The following KRT86 variants were observed in gnomAD, a reference collection of about 807,000 sequenced individuals.
KRT86 encodes the protein keratin, type II cuticular Hb6.
A neutral mutation model predicts 41.2 loss-of-function variants in KRT86; 30 were observed. The ratio of observed to expected loss-of-function variants is 0.73; its 90% CI spans 0.54 to 0.99. The LOEUF (loss-of-function observed/expected upper bound fraction) is 0.99. Ranked by LOEUF, KRT86 falls within the 50% of genes least tolerant of loss-of-function variation. The probability of loss-of-function intolerance (pLI) is 0.00; values close to 1 mark genes in which losing one functional copy is unlikely to be tolerated. For missense variants in KRT86, 561 were observed against 571.4 expected, an observed-to-expected ratio of 0.98 and a Z score of 0.19; for synonymous variants, 238 against 238.1, an observed-to-expected ratio of 1.00 and a Z score of 0.00.
Position 52,305,721 on chromosome 12 carries a change from A to G in KRT86, c.959A>G (p.Glu320Gly). 2 of 1,614,070 alleles carry G rather than the reference A, an allele frequency of 1.2e-6. No individual in the cohort carries two copies. The highest frequency in any genetic ancestry group is 1.7e-6 in the Non-Finnish European group (2 of 1,179,926). The change falls in exon 8 of 11, where the codon GAG becomes GGG. Residue 320 changes from glutamate (E) to glycine (G), a missense_variant. Coordinates refer to ENST00000423955, the MANE Select transcript of KRT86 (RefSeq NM_001320198.2). Reference protein sequence around the residue: ...RHGETLRRTKEEINELNRMIQ... With the variant: ...RHGETLRRTKGEINELNRMIQ... ...GGGGAGACCCTGCGCCGCACCAAGG[A>G]GGAGATCAACGAGCTGAACCGCATG...
At chr12:52,300,204 A>G (rs1938340898) in intron 2 of KRT86, among the ~76,000 whole-genome samples, 3 of 152,256 alleles carry the variant, frequency 2.0e-5, no homozygotes, top group Admixed American at 6.5e-5. Flanking sequence ...ATGCACATAC[A>G]TATACATAGG....
intron 2 of KRT86, 54 bp from the exon 3 acceptor site, chr12:52,301,859 G>A: frequency 6.2e-7 from 1 of 1,613,550 alleles, no homozygotes. Context: ...CCCGACCACT[G>A]TGCTCTCCAT....
chr12:52,304,857 A>G, intron 5 of KRT86, 75 bp from the exon 6 acceptor site: 1 of 1,483,286 alleles, frequency 6.7e-7, no homozygotes, highest in Non-Finnish European at 9.4e-7. Context: ...GCTTCATGGA[A>G]TGGGTGGGAA....
chr12:52,288,468 G>A, intron 2 of KRT86: 1 of 1,613,946 alleles, frequency 6.2e-7, no homozygotes. Context: ...TGGAAAGGTG[G>A]GGAGTGTTGG....
Position 52,291,376 on chromosome 12 carries a change from G to C in KRT86, c.-4-10537G>C, listed in dbSNP as rs747238469. 16 of 1,604,440 alleles carry C rather than the reference G, an allele frequency of 1.0e-5. No individual in the cohort carries two copies. In the African/African-American group the frequency reaches 2.0e-4, roughly 20 times the overall value. ...GGTAGCAGGAGATGCCACGGTAGGG[G>C]GCGGCGGTGATGCAGCAGCGGCCGG... On this transcript the variant is annotated intron_variant, in intron 2 of 10. Coordinates refer to ENST00000423955, the MANE Select transcript of KRT86 (RefSeq NM_001320198.2).
chr12:52,278,246 CCCTGGCAGGGAGG>C (rs1937683675), intron 2 of KRT86, among the ~76,000 whole-genome samples: 1 of 152,170 alleles, frequency 6.6e-6, no homozygotes, highest in Non-Finnish European at 1.5e-5. Flanking sequence ...CCTCACAAAA[CCCTGGCAGGGAGG>C]TCCTATTATC....
chr12:52,274,669 C>T lies in KRT86; in HGVS notation c.-184C>T. The T allele has an allele frequency of 1.0e-6, 1 of 984,816 alleles. No homozygotes were observed. Among genetic ancestry groups the T allele is most frequent in the Non-Finnish European group, 1.2e-6 (1 of 829,398 alleles). The allele number at this position is 984,816 out of a possible 1,614,324, so 61.0% of individuals were successfully genotyped here. A position where few individuals can be genotyped will look rare whatever the true frequency, so the allele number is the denominator to read the frequency against. ...GATTCTGGTAGCTCTTGGGCTGAAG[C>T]TGGGCTTTGGTGCTCAAGAGAGGCT... is the stretch of plus-strand genomic sequence containing the variant. On this transcript the variant is annotated 5_prime_UTR_variant, in exon 1 of 11. Transcript: ENST00000423955.
At chr12:52,286,290 C>T (rs1167347303) in intron 2 of KRT86, 1 of 1,554,412 alleles carries the variant, frequency 6.4e-7, no homozygotes, top group East Asian at 2.4e-5. Flanking sequence ...CAAGACCCCA[C>T]ACCCAGGGAG....
At chr12:52,286,862 C>A in intron 2 of KRT86, 2 of 1,611,368 alleles carry the variant, frequency 1.2e-6, no homozygotes, top group Non-Finnish European at 1.7e-6. Flanking sequence ...AGTGACTGCC[C>A]CAGAGTGGCT....
chr12:52,302,834 T>TG (rs1283904335), intron 3 of KRT86, among the ~76,000 whole-genome samples: 3 of 99,000 alleles, frequency 3.0e-5, no homozygotes, highest in African/African-American at 1.2e-4. Context: ...TCTGCTTGGG[T>TG]GGGGGGTGGG....
In KRT86 at chr12:52,301,981, C is replaced by G; in HGVS notation, c.65C>G (p.Pro22Arg). Reference protein sequence around the residue: ...FSCISACGPRPGRCCITAAPY... With the variant: ...FSCISACGPRRGRCCITAAPY... ...TGCATCTCGGCCTGCGGGCCCCGGC[C>G]CGGCCGCTGCTGCATCACCGCCGCC... is the stretch of plus-strand genomic sequence containing the variant. Residue 22 changes from proline (P) to arginine (R), a missense_variant, in exon 3 of 11, where the codon CCC (proline) becomes CGC (arginine). Physicochemically the swap from Pro to Arg is moderately radical, Grantham distance 103. This residue lies in a region of KRT86 where 164 missense variants were observed against 172.5 expected (regional missense o/e 0.95). Transcript: ENST00000423955. 1 of 1,613,360 alleles carries G rather than the reference C, an allele frequency of 6.2e-7. No homozygotes were observed. The highest frequency in any genetic ancestry group is 8.5e-7 in the Non-Finnish European group (1 of 1,179,678).
At chr12:52,288,516 C>G in intron 2 of KRT86, 1 of 1,589,236 alleles carries the variant, frequency 6.3e-7, no homozygotes, top group Admixed American at 1.7e-5. Flanking sequence ...CCAGACTCCT[C>G]TCTCTGCCCA....
intron 2 of KRT86, among the ~76,000 whole-genome samples, chr12:52,284,325 G>C (rs1403145806): frequency 6.6e-6 from 1 of 152,174 alleles, no homozygotes; most frequent in East Asian, 1.9e-4. Flanking sequence ...AAGTAGCTGG[G>C]ACTATAGGTG....
intron 2 of KRT86, among the ~76,000 whole-genome samples, chr12:52,297,304 C>G (rs1291665842): frequency 6.6e-6 from 1 of 152,166 alleles, no homozygotes; most frequent in Non-Finnish European, 1.5e-5. Context: ...AGACTTCTGG[C>G]CTTTCTCATG....
At chr12:52,300,963 C>T (rs533544847) in intron 2 of KRT86, among the ~76,000 whole-genome samples, 6 of 152,184 alleles carry the variant, frequency 3.9e-5, no homozygotes, top group Admixed American at 1.3e-4. Context: ...CTCCTGAGGC[C>T]GCATGGGACA....
chr12:52,286,832 A>C, intron 2 of KRT86: 3 of 1,613,838 alleles, frequency 1.9e-6, no homozygotes, highest in Non-Finnish European at 2.5e-6. Flanking sequence ...CCTGAGGGCA[A>C]AAGAGAAAAA....
In KRT86 at chr12:52,304,452, C is replaced by T. The variant is rs12825053; in HGVS notation, c.639+281C>T. Among the ~76,000 whole-genome samples, 96,952 of 140,448 alleles carry T rather than the reference C, an allele frequency of 0.69. 33,511 individuals are homozygous for T. The highest frequency in any genetic ancestry group is 0.83 in the African/African-American group (29,498 of 35,554). 92.1% of individuals were successfully genotyped at this position (140,448 alleles called of 152,430 possible). ...CAGAGGTTGTGGTCTATTGCTGAGG[C>T]CCCTGGAGCCATAGCAGATACAATG... On this transcript the variant is annotated intron_variant, in intron 5 of 10. Transcript: ENST00000423955.
At chr12:52,296,621 G>A (rs573085026) in intron 2 of KRT86, among the ~76,000 whole-genome samples, 2 of 151,968 alleles carry the variant, frequency 1.3e-5, no homozygotes, top group Admixed American at 6.5e-5. Context: ...ATTGGCCAGC[G>A]TCCTGGGCTC....
At chr12:52,306,036 C>T (rs770042895) in intron 8 of KRT86, 24 bp from the exon 9 acceptor site, 1 of 1,613,412 alleles carries the variant, frequency 6.2e-7, no homozygotes, top group East Asian at 2.2e-5. Context: ...CTCTAATCTA[C>T]CTTGTTCTCT....
Sources: gnomAD v4.1 joint callset for allele counts (sites outside exome capture counted in the v4.1 genomes callset) on GRCh38, gnomAD v4.1.1 for gene constraint, gnomAD v4.1.1 regional missense constraint, MANE v1.5 for transcripts, NCBI Gene and HGNC (gene_info 2026-07-23, HGNC 2026-07-21) for gene names.